Variants in AGBL3 observed in about 807,000 individuals in gnomAD.
AGBL3 encodes AGBL carboxypeptidase 3.
In AGBL3, 68 loss-of-function variants were observed where a neutral mutation model predicts 94.5. The ratio of observed to expected loss-of-function variants is 0.72; its 90% confidence interval spans 0.59 to 0.88. The LOEUF (loss-of-function observed/expected upper bound fraction) is 0.88, where lower values mean the gene tolerates loss of function less well. AGBL3 is among the 40% of genes least tolerant of loss of function. The pLI, the probability that AGBL3 is intolerant of heterozygous loss-of-function variation, is 0.00. For missense variants in AGBL3, 934 were observed against 1,103.8 expected, an observed-to-expected ratio of 0.85 and a Z score of 2.18; for synonymous variants, 354 against 370.7, an observed-to-expected ratio of 0.95 and a Z score of 0.52.
chr7:134,998,622 A>G (rs747723563), intron 4 of AGBL3, among the ~76,000 whole-genome samples: 5 of 152,178 alleles, frequency 3.3e-5, no homozygotes, highest in Non-Finnish European at 7.3e-5. Flanking sequence ...TAGAGTAAGG[A>G]TATATAGGTA....
intron 5 of AGBL3, among the ~76,000 whole-genome samples, chr7:135,018,441 C>T (rs879927968): frequency 6.6e-6 from 1 of 152,166 alleles, no homozygotes; most frequent in African/African-American, 2.4e-5. Context: ...TCTTTGGAAA[C>T]GTATAATGTG....
At chr7:135,096,787 G>GAAAGAAAGAAAGAAAT (rs1822961058) in intron 15 of AGBL3, among the ~76,000 whole-genome samples, 1 of 147,052 alleles carries the variant, frequency 6.8e-6, no homozygotes, top group African/African-American at 2.5e-5. Context: ...AAGAAAGAAA[G>GAAAGAAAGAAAGAAAT]AAAGAAAAAG....
Position 135,092,206 on chromosome 7 carries a change from ACT to A in AGBL3, c.2110+10419_2110+10420del, listed in dbSNP as rs755424514. ...ATTCTCCTTTTCCAGTTAGAGGAAA[ACT>A]CTGTTTAATAGAAAGAGAAAAGTAA... On this transcript the variant is annotated intron_variant, in intron 15 of 16. Coordinates refer to ENST00000436302, the MANE Select transcript of AGBL3 (RefSeq NM_178563.4). Among the ~76,000 whole-genome samples the A allele has an allele frequency of 5.3e-4, 80 of 152,174 alleles. 1 individual carries two copies. The highest frequency in any genetic ancestry group is 9.0e-4 in the Non-Finnish European group (61 of 67,990).
At chr7:135,096,780 A>AAAGAAAG (rs1822948857) in intron 15 of AGBL3, among the ~76,000 whole-genome samples, 1 of 151,696 alleles carries the variant, frequency 6.6e-6, no homozygotes, top group South Asian at 2.1e-4. Context: ...AGAAAGAAAG[A>AAAGAAAG]AAGAAAGAAA....
At chr7:135,113,938 G>A (rs754013272) in intron 15 of AGBL3, among the ~76,000 whole-genome samples, 5 of 152,082 alleles carry the variant, frequency 3.3e-5, no homozygotes, top group African/African-American at 4.8e-5. Flanking sequence ...CAAATATTTG[G>A]ATGACAAATG....
chr7:135,022,306 C>T (rs1292162859), intron 5 of AGBL3, among the ~76,000 whole-genome samples: 1 of 152,202 alleles, frequency 6.6e-6, no homozygotes, highest in African/African-American at 2.4e-5. Flanking sequence ...TGTTTCTATT[C>T]TCCGCAGCCT....
At chr7:135,043,732 A>C (rs1817090986) in intron 8 of AGBL3, among the ~76,000 whole-genome samples, 1 of 152,036 alleles carries the variant, frequency 6.6e-6, no homozygotes, top group Non-Finnish European at 1.5e-5. Context: ...CACAAAAATT[A>C]AAAATTAAAA....
Position 135,045,477 on chromosome 7 carries a change from A to G in AGBL3, c.1631A>G (p.Asn544Ser). ...GATAAACTTATTGATGTTTTAGGTAACAAACGAGGCACTCATTTCAGCACG... is the reference window on the plus strand; with the variant it reads ...GATAAACTTATTGATGTTTTAGGTAGCAAACGAGGCACTCATTTCAGCACG... ...EATFCGSTLG[N>S]KRGTHFSTKD... The change falls in exon 10 of 17, where the codon AAC becomes AGC. Residue 544 changes from asparagine (N) to serine (S), a missense_variant. Transcript: ENST00000436302. The G allele has an allele frequency of 1.9e-6, 3 of 1,550,740 alleles. No individual in the cohort carries two copies. Among genetic ancestry groups the G allele is most frequent in the South Asian group, 2.4e-5 (2 of 84,024 alleles).
At chr7:135,070,493 C>T (rs1436366162) in intron 12 of AGBL3, among the ~76,000 whole-genome samples, 2 of 152,070 alleles carry the variant, frequency 1.3e-5, no homozygotes, top group East Asian at 1.9e-4. Flanking sequence ...ACTGGCAAAC[C>T]GAATCCAACA....
intron 16 of AGBL3, among the ~76,000 whole-genome samples, chr7:135,121,874 C>G (rs1002641506): frequency 6.6e-6 from 1 of 152,210 alleles, no homozygotes. Flanking sequence ...CCGGGGAAAC[C>G]GTGCTTTTTC....
At chr7:135,122,608 A>G (rs536860292) in intron 16 of AGBL3, among the ~76,000 whole-genome samples, 5 of 152,282 alleles carry the variant, frequency 3.3e-5, no homozygotes, top group African/African-American at 9.6e-5. Flanking sequence ...GGGTTGTCAG[A>G]TACCCTATAC....
At chr7:135,048,433 C>CCATATGAATCACAGA (rs1817573140) in intron 11 of AGBL3, among the ~76,000 whole-genome samples, 1 of 151,638 alleles carries the variant, frequency 6.6e-6, no homozygotes, top group Non-Finnish European at 1.5e-5. Context: ...ATGTGTAGAT[C>CCATATGAATCACAGA]ACTTAGAGTA....
At chr7:135,051,827 C>T (rs1827274609) in intron 11 of AGBL3, among the ~76,000 whole-genome samples, 1 of 151,974 alleles carries the variant, frequency 6.6e-6, no homozygotes, top group Non-Finnish European at 1.5e-5. Flanking sequence ...ATAATGCTAC[C>T]AATAAAATGA....
chr7:135,048,916 T>C (rs896302740), intron 11 of AGBL3, among the ~76,000 whole-genome samples: 1 of 151,900 alleles, frequency 6.6e-6, no homozygotes, highest in Non-Finnish European at 1.5e-5. Flanking sequence ...TTATGTTGAA[T>C]AGAAGTGGCA....
chr7:135,119,181 C>T (rs1279713055), intron 16 of AGBL3, among the ~76,000 whole-genome samples: 1 of 151,678 alleles, frequency 6.6e-6, no homozygotes, highest in Non-Finnish European at 1.5e-5. Context: ...GCTGAGCAGA[C>T]CATTAATAGG....
chr7:135,092,091 A>G (rs1006919340), intron 15 of AGBL3, among the ~76,000 whole-genome samples: 3 of 152,218 alleles, frequency 2.0e-5, no homozygotes, highest in African/African-American at 7.2e-5. Context: ...CTGTGACCTT[A>G]TATGTAAATG....
At chr7:135,081,175 A>G (rs564302653) in intron 14 of AGBL3, among the ~76,000 whole-genome samples, 1 of 152,204 alleles carries the variant, frequency 6.6e-6, no homozygotes, top group African/African-American at 2.4e-5. Flanking sequence ...TTTTAATGTC[A>G]AAAATTAAAA....
rs1192833836 is a variant in AGBL3, at chr7:135,128,780, C to T, written c.2343-6061C>T. On this transcript the variant is annotated intron_variant, in intron 16 of 16. Coordinates refer to ENST00000436302, the MANE Select transcript of AGBL3 (RefSeq NM_178563.4). ...AACACAGAGCTAGATTTTGGAGGAA[C>T]TTCTGGATCTGATACAGACCAAGAG... The T allele has an allele frequency of 5.5e-6, 7 of 1,264,548 alleles. No homozygotes were observed. In the Admixed American group the frequency reaches 1.2e-4, roughly 22 times the overall value. 78.3% of individuals were successfully genotyped at this position (1,264,548 alleles called of 1,614,324 possible).
rs1040086161 is a variant in AGBL3, at chr7:135,045,644, A to C, written c.1728+70A>C. ...GATAACATAAGCTGACTATGGGCCT[A>C]TGCAGTGTTTGCCTTTTAATGTCCC... On this transcript the variant is annotated intron_variant, in intron 10 of 16. Transcript: ENST00000436302. 10 of 1,422,066 alleles carry C rather than the reference A, an allele frequency of 7.0e-6. No individual in the cohort carries two copies. The Admixed American group carries it at 2.0e-4, about 28-fold the overall frequency. 88.1% of individuals were successfully genotyped at this position (1,422,066 alleles called of 1,614,324 possible).
Sources: allele counts gnomAD v4.1 joint callset (sites outside exome capture counted in the v4.1 genomes callset), GRCh38; gene constraint gnomAD v4.1.1; transcripts MANE v1.5; gene names NCBI Gene and HGNC (gene_info 2026-07-23, HGNC 2026-07-21).